Variants in EMCN observed in about 807,000 individuals in gnomAD.
EMCN encodes the protein MUC-14.
Under a neutral mutation model 38.4 loss-of-function variants are expected in EMCN, and 37 were observed. The ratio of observed to expected loss-of-function variants is 0.96; its 90% CI spans 0.74 to 1.27. The LOEUF (loss-of-function observed/expected upper bound fraction) is 1.27, where lower values mean the gene tolerates loss of function less well. Among genes scored for constraint, EMCN ranks in the 50% most tolerant of loss-of-function variants. The pLI, the probability that EMCN is intolerant of heterozygous loss-of-function variation, is 0.00. For missense variants in EMCN, 318 were observed against 302.8 expected, an observed-to-expected ratio of 1.05 and a Z score of -0.37; for synonymous variants, 95 against 100.8, an observed-to-expected ratio of 0.94 and a Z score of 0.35.
chr4:100,432,947 C>G (rs890316537), intron 5 of EMCN, among the ~76,000 whole-genome samples: 1 of 152,090 alleles, frequency 6.6e-6, no homozygotes, highest in Non-Finnish European at 1.5e-5. Flanking sequence ...TATCAATCAT[C>G]TTATATAATT....
intron 8 of EMCN, among the ~76,000 whole-genome samples, chr4:100,419,826 A>G (rs994870290): frequency 6.6e-6 from 1 of 152,024 alleles, no homozygotes; most frequent in Non-Finnish European, 1.5e-5. Context: ...TTTCACCAAG[A>G]GCTAAAATGA....
chr4:100,504,633 C>T (rs937103716), intron 1 of EMCN, among the ~76,000 whole-genome samples: 2 of 152,206 alleles, frequency 1.3e-5, no homozygotes, highest in Admixed American at 1.3e-4. Context: ...TGTGAGCCTT[C>T]TGTTATGCCC....
In EMCN at chr4:100,423,361, T is replaced by C; in HGVS notation, c.459A>G (p.Thr153=). ...GAATTGTAACTGGTATTGAGGTTAA[T>C]GTACCAGTTTTAGAAGGTGATGCAT... ...QPDASPSKTG[T]LTSIPVTIPE... Residue 153 remains threonine, a synonymous_variant, in exon 6 of 12, where the codon ACA becomes ACG. Coordinates refer to ENST00000296420, the MANE Select transcript of EMCN (RefSeq NM_016242.4). 1 of 1,613,182 alleles carries C rather than the reference T, an allele frequency of 6.2e-7. No individual in the cohort carries two copies. Among genetic ancestry groups the C allele is most frequent in the Middle Eastern group, 1.7e-4 (1 of 6,060 alleles).
intron 1 of EMCN, among the ~76,000 whole-genome samples, chr4:100,493,398 G>A (rs1373904504): frequency 6.6e-6 from 1 of 152,082 alleles, no homozygotes; most frequent in Non-Finnish European, 1.5e-5. Flanking sequence ...TTGCAAATTG[G>A]GCTCATGTGG....
intron 4 of EMCN, among the ~76,000 whole-genome samples, chr4:100,463,276 A>T (rs1381549309): frequency 6.6e-6 from 1 of 152,038 alleles, no homozygotes; most frequent in Non-Finnish European, 1.5e-5. Context: ...CTTTTCTGTC[A>T]ATTTGTTTAC....
intron 5 of EMCN, among the ~76,000 whole-genome samples, chr4:100,434,378 CCAAGCAAAAAAAAAAAAAA>C (rs1343965246): frequency 8.8e-6 from 1 of 114,074 alleles, no homozygotes; most frequent in Non-Finnish European, 2.1e-5. Context: ...AAATAGCCTA[CCAAGCAAAAAAAAAAAAAA>C]AAAAAAGCCT....
chr4:100,494,266 TTAAAG>T (rs1354202441), intron 1 of EMCN, among the ~76,000 whole-genome samples: 2 of 152,184 alleles, frequency 1.3e-5, no homozygotes, highest in African/African-American at 4.8e-5. Context: ...GGTGGGTTAA[TTAAAG>T]TGAACACATT....
chr4:100,469,998 T>C (rs1191470817), intron 3 of EMCN, among the ~76,000 whole-genome samples: 1 of 151,898 alleles, frequency 6.6e-6, no homozygotes, highest in East Asian at 1.9e-4. Context: ...GTTTTCATGA[T>C]GAAGACACCA....
chr4:100,418,604 T>A (rs1332032437), intron 8 of EMCN, among the ~76,000 whole-genome samples: 1 of 151,468 alleles, frequency 6.6e-6, no homozygotes, highest in Non-Finnish European at 1.5e-5. Flanking sequence ...GTTCAATTGT[T>A]TTGATTTTTT....
chr4:100,466,460 C>A (rs1728319209), intron 3 of EMCN, among the ~76,000 whole-genome samples: 2 of 152,202 alleles, frequency 1.3e-5, no homozygotes, highest in Admixed American at 1.3e-4. Flanking sequence ...TTGAGGAAGT[C>A]ATGCTGAAGA....
At chr4:100,503,517 T>G (rs1729403477) in intron 1 of EMCN, among the ~76,000 whole-genome samples, 1 of 152,292 alleles carries the variant, frequency 6.6e-6, no homozygotes, top group East Asian at 1.9e-4. Context: ...TTCTTTGCAC[T>G]ATGTATTTCT....
At chr4:100,451,212 A>C (rs1727828722) in intron 4 of EMCN, among the ~76,000 whole-genome samples, 1 of 151,770 alleles carries the variant, frequency 6.6e-6, no homozygotes, top group South Asian at 2.1e-4. Flanking sequence ...TTTATTTTTC[A>C]AACAAATTTA....
At chr4:100,415,177 A>G (rs907359609) in intron 10 of EMCN, among the ~76,000 whole-genome samples, 7 of 152,218 alleles carry the variant, frequency 4.6e-5, no homozygotes, top group Non-Finnish European at 8.8e-5. Flanking sequence ...GATTACAGGC[A>G]TGAGCCATAG....
chr4:100,457,234 T>C (rs149368769), intron 4 of EMCN, among the ~76,000 whole-genome samples: 1 of 151,606 alleles, frequency 6.6e-6, no homozygotes, highest in African/African-American at 2.4e-5. Context: ...TAGTTTCTAT[T>C]AATAAGATCA....
intron 1 of EMCN, among the ~76,000 whole-genome samples, chr4:100,481,045 G>T (rs1050649709): frequency 6.6e-6 from 1 of 151,936 alleles, no homozygotes; most frequent in South Asian, 2.1e-4. Flanking sequence ...AAAATACAGC[G>T]AGCAAGTGTA....
intron 1 of EMCN, among the ~76,000 whole-genome samples, chr4:100,487,910 C>T (rs766123072): frequency 2.6e-5 from 4 of 152,188 alleles, no homozygotes; most frequent in Non-Finnish European, 5.9e-5. Context: ...TCAAAGGTAG[C>T]CACTTACAAT....
chr4:100,443,386 T>A (rs1184249720), intron 5 of EMCN, among the ~76,000 whole-genome samples: 1 of 152,212 alleles, frequency 6.6e-6, no homozygotes, highest in Non-Finnish European at 1.5e-5. Context: ...GCGCCTCTGG[T>A]TACATGTAGG....
chr4:100,456,509 T>C (rs1728021400), intron 4 of EMCN, among the ~76,000 whole-genome samples: 1 of 152,204 alleles, frequency 6.6e-6, no homozygotes, highest in Non-Finnish European at 1.5e-5. Flanking sequence ...ATATTGCCAG[T>C]TTTGGTACTG....
At chr4:100,437,968 A>C (rs1727403147) in intron 5 of EMCN, among the ~76,000 whole-genome samples, 1 of 152,086 alleles carries the variant, frequency 6.6e-6, no homozygotes, top group Non-Finnish European at 1.5e-5. Context: ...GATTGTGTTG[A>C]ATATATAGAA....
Sources: allele counts gnomAD v4.1 joint callset (sites outside exome capture counted in the v4.1 genomes callset), GRCh38; gene constraint gnomAD v4.1.1; transcripts MANE v1.5; gene names NCBI Gene and HGNC (gene_info 2026-07-23, HGNC 2026-07-21).